Variants in HIPK3 observed in about 807,000 individuals in gnomAD.
HIPK3 encodes the protein homeodomain-interacting protein kinase 3.
In HIPK3, 47 loss-of-function variants were observed where a neutral mutation model predicts 124.2. That is an observed-to-expected ratio of 0.38 (90% CI 0.30 to 0.48). The LOEUF (loss-of-function observed/expected upper bound fraction) is 0.48, where lower values mean the gene tolerates loss of function less well. Among genes scored for constraint, HIPK3 ranks in the 20% least tolerant of loss-of-function variants. The pLI, the probability that HIPK3 is intolerant of heterozygous loss-of-function variation, is 0.98. For synonymous variants in HIPK3, 482 were observed against 515.2 expected (o/e 0.94, Z 0.87); for missense variants, 1,286 against 1,454.3 (o/e 0.88, Z 1.88).
chr11:33,273,012 T>A (rs941222643), intron 1 of HIPK3, among the ~76,000 whole-genome samples: 23 of 150,908 alleles, frequency 1.5e-4, no homozygotes, highest in Non-Finnish European at 2.4e-4. Context: ...TTTTTTTTTT[T>A]AAATAGAGAT....
chr11:33,352,870 T>C (rs1461589055), intron 16 of HIPK3, among the ~76,000 whole-genome samples: 1 of 152,094 alleles, frequency 6.6e-6, no homozygotes, highest in Non-Finnish European at 1.5e-5. Context: ...ATAGCAGTGT[T>C]TATATTATAA....
Position 33,328,601 on chromosome 11 carries a change from C to T in HIPK3, c.1189C>T (p.Pro397Ser). 6.2e-7 allele frequency: 1 copy of T among 1,613,380 alleles called. No individual in the cohort carries two copies. Among genetic ancestry groups the T allele is most frequent in the Non-Finnish European group, 8.5e-7 (1 of 1,179,534 alleles). ...CVIAELFLGW[P>S]LYPGALEYDQ... Reference sequence around the variant, plus strand: ...GATTGCAGAATTATTTCTTGGATGGCCGCTCTACCCAGGAGCCTTGGAGTA... The same window carrying T: ...GATTGCAGAATTATTTCTTGGATGGTCGCTCTACCCAGGAGCCTTGGAGTA... The change falls in exon 3 of 17, where the codon CCG (proline) becomes TCG (serine). Residue 397 changes from proline (P) to serine (S), a missense_variant. Around this residue, in one of 3 missense-constraint regions of HIPK3, gnomAD observed 251 missense variants for 349.1 expected, o/e 0.72. Coordinates refer to ENST00000303296, the MANE Select transcript of HIPK3 (RefSeq NM_005734.5).
chr11:33,356,470 C>T lies in HIPK3; in HGVS notation c.*2902C>T, dbSNP rs972082595. 2.6e-5 allele frequency: 4 copies of T among 151,522 alleles called. No homozygotes were observed. The highest frequency in any genetic ancestry group is 9.7e-5 in the African/African-American group (4 of 41,346). 9.4% of individuals were successfully genotyped at this position (151,522 alleles called of 1,614,324 possible). On this transcript the variant is annotated 3_prime_UTR_variant, in exon 17 of 17. Coordinates refer to ENST00000303296, the MANE Select transcript of HIPK3 (RefSeq NM_005734.5). ...CATATTTGCATACTATTTTAATTTG[C>T]AAAATGTTTTTTAAATCAAATATCC...
intron 1 of HIPK3, among the ~76,000 whole-genome samples, chr11:33,271,090 G>A (rs554170683): frequency 6.6e-6 from 1 of 152,192 alleles, no homozygotes; most frequent in East Asian, 1.9e-4. Context: ...ATGATTCCAG[G>A]TAAATGATAC....
intron 1 of HIPK3, 29 bp from the exon 2 acceptor site, chr11:33,286,384 T>C (rs1324753522): frequency 7.2e-7 from 1 of 1,391,706 alleles, no homozygotes; most frequent in African/African-American, 1.5e-5. Flanking sequence ...TCCTTTTTTT[T>C]CTTTTCCTTT....
intron 3 of HIPK3, among the ~76,000 whole-genome samples, chr11:33,335,962 A>C (rs943046194): frequency 3.3e-5 from 5 of 152,110 alleles, no homozygotes; most frequent in African/African-American, 9.7e-5. Flanking sequence ...ATGCACTTTC[A>C]TGGGCTCTGG....
chr11:33,277,309 C>T (rs908933206), intron 1 of HIPK3, among the ~76,000 whole-genome samples: 2 of 152,116 alleles, frequency 1.3e-5, no homozygotes, highest in South Asian at 2.1e-4. Flanking sequence ...TGCTCTTCTG[C>T]AACTTTTTTT....
chr11:33,282,410 C>T (rs1851434361), intron 1 of HIPK3, among the ~76,000 whole-genome samples: 1 of 149,452 alleles, frequency 6.7e-6, no homozygotes, highest in African/African-American at 2.5e-5. Context: ...GGCCGGGTGC[C>T]ATGGCTCATG....
At chr11:33,315,797 G>A (rs981275220) in intron 2 of HIPK3, among the ~76,000 whole-genome samples, 2 of 152,172 alleles carry the variant, frequency 1.3e-5, no homozygotes, top group African/African-American at 4.8e-5. Flanking sequence ...AATCTTTGCT[G>A]TCTTCTATCC....
At chr11:33,282,904 C>T (rs1458959881) in intron 1 of HIPK3, among the ~76,000 whole-genome samples, 1 of 152,070 alleles carries the variant, frequency 6.6e-6, no homozygotes, top group Admixed American at 6.6e-5. Flanking sequence ...ACAGTGAGAC[C>T]TAGTCTCTTA....
intron 2 of HIPK3, among the ~76,000 whole-genome samples, chr11:33,294,345 C>T (rs1851782918): frequency 6.6e-6 from 1 of 152,042 alleles, no homozygotes. Context: ...CATGCAGATT[C>T]CCCAGTGTTT....
At chr11:33,264,124 CT>C (rs1313233072) in intron 1 of HIPK3, among the ~76,000 whole-genome samples, 1 of 151,964 alleles carries the variant, frequency 6.6e-6, no homozygotes, top group Admixed American at 6.6e-5. Context: ...TCTAGGTACA[CT>C]TTTACCTTGC....
At chr11:33,337,342 AT>A in intron 4 of HIPK3, 148 bp downstream of exon 4, 1 of 441,928 alleles carries the variant, frequency 2.3e-6, no homozygotes. Context: ...ATTTTATTTT[AT>A]TTTTTTCAAT....
chr11:33,341,430 T>G, intron 7 of HIPK3, 133 bp from the exon 8 acceptor site: 1 of 991,360 alleles, frequency 1.0e-6, no homozygotes, highest in East Asian at 2.7e-5. Flanking sequence ...TTCGGCAGCT[T>G]GTTTTTGTTC....
Position 33,352,209 on chromosome 11 carries a change from A to G in HIPK3, c.3115A>G (p.Thr1039Ala). Residue 1039 changes from threonine (T) to alanine (A), a missense_variant, in exon 16 of 17, where the codon ACT becomes GCT. By Grantham distance (58) the Thr-to-Ala change is moderately conservative. This residue lies in a region of HIPK3 where 810 missense variants were observed against 864.9 expected (regional missense o/e 0.94). Coordinates refer to ENST00000303296, the MANE Select transcript of HIPK3 (RefSeq NM_005734.5). ...ATTAAACCAGCCTTCTGCAGTGGGT[A>G]CTCGTCAGCAAAAATTGACATCAGC... ...GRLNQPSAVGTRQQKLTSAFQ... is the reference protein window; with the variant it reads ...GRLNQPSAVGARQQKLTSAFQ... The G allele has an allele frequency of 1.2e-6, 2 of 1,613,906 alleles. No individual in the cohort carries two copies. The highest frequency in any genetic ancestry group is 1.3e-5 in the African/African-American group (1 of 75,026).
intron 1 of HIPK3, among the ~76,000 whole-genome samples, chr11:33,276,218 T>C (rs1386437541): frequency 2.0e-5 from 3 of 151,918 alleles, no homozygotes; most frequent in Non-Finnish European, 4.4e-5. Flanking sequence ...TGCAGGCATG[T>C]CCCTTTAACT....
chr11:33,308,768 C>G (rs554336574), intron 2 of HIPK3, among the ~76,000 whole-genome samples: 127 of 143,916 alleles, frequency 8.8e-4, no homozygotes, highest in African/African-American at 3.1e-3. Flanking sequence ...AACATTTTCT[C>G]TTTCTCCTTT....
Position 33,353,234 on chromosome 11 carries a change from A to C in HIPK3, c.3314A>C (p.His1105Pro), listed in dbSNP as rs774626464. The change falls in exon 17 of 17, where the codon CAC becomes CCC. Residue 1105 changes from histidine to proline, a missense_variant. Around this residue, in one of 3 missense-constraint regions of HIPK3, gnomAD observed 810 missense variants for 864.9 expected, o/e 0.94. Transcript: ENST00000303296. ...GSPNHTAVHAHLAGNTHLGGQ... is the reference protein window; with the variant it reads ...GSPNHTAVHAPLAGNTHLGGQ... ...CCCAATCACACAGCAGTGCATGCCCACCTGGCTGGAAATACACACCTCGGA... is the reference window on the plus strand; with the variant it reads ...CCCAATCACACAGCAGTGCATGCCCCCCTGGCTGGAAATACACACCTCGGA... 6.2e-7 allele frequency: 1 copy of C among 1,614,106 alleles called. No homozygotes were observed. Among genetic ancestry groups the C allele is most frequent in the South Asian group, 1.1e-5 (1 of 91,084 alleles).
At chr11:33,348,145 G>GCTCCCTTCT in intron 11 of HIPK3, 21 bp from the exon 12 acceptor site, 1 of 1,612,802 alleles carries the variant, frequency 6.2e-7, no homozygotes, top group Non-Finnish European at 8.5e-7. Context: ...CACTAAGCCA[G>GCTCCCTTCT]CTCCCTTCTC....
Sources: allele counts gnomAD v4.1 joint callset (sites outside exome capture counted in the v4.1 genomes callset), GRCh38; gene constraint gnomAD v4.1.1; regional missense constraint gnomAD v4.1.1; transcripts MANE v1.5; gene names NCBI Gene and HGNC (gene_info 2026-07-23, HGNC 2026-07-21).